The following MMP26 variants were observed in gnomAD, a reference collection of about 807,000 sequenced individuals.
MMP26 encodes the protein matrix metallopeptidase 26.
In MMP26, 33 loss-of-function variants were observed where a neutral mutation model predicts 31.0. The ratio of observed to expected loss-of-function variants is 1.06; its 90% confidence interval spans 0.81 to 1.42. MMP26 has a LOEUF of 1.42. Among genes scored for constraint, MMP26 ranks in the 40% most tolerant of loss-of-function variants. The pLI, the probability that MMP26 is intolerant of heterozygous loss-of-function variation, is 0.00. For synonymous variants in MMP26, 122 were observed against 114.9 expected (o/e 1.06, Z -0.40); for missense variants, 347 against 316.1 (o/e 1.10, Z -0.74).
intron 2 of MMP26, chr11:4,890,008 A>G (rs2133547580): frequency 6.1e-6 from 1 of 163,318 alleles, no homozygotes; most frequent in East Asian, 1.8e-4. Context: ...GACAATAGGA[A>G]TGAGAGAGTA....
chr11:4,809,923 A>C (rs1589907753), intron 2 of MMP26, among the ~76,000 whole-genome samples: 1 of 151,906 alleles, frequency 6.6e-6, no homozygotes, highest in East Asian at 1.9e-4. Flanking sequence ...CTCTGTCTTT[A>C]ACCAAGCATG....
At chr11:4,831,935 A>T (rs1053414578) in intron 2 of MMP26, among the ~76,000 whole-genome samples, 1 of 152,238 alleles carries the variant, frequency 6.6e-6, no homozygotes, top group Non-Finnish European at 1.5e-5. Context: ...CCTGTGATGA[A>T]CCTGTTTAAA....
chr11:4,883,005 C>T, intron 2 of MMP26: 1 of 705,484 alleles, frequency 1.4e-6, no homozygotes, highest in South Asian at 2.0e-5. Flanking sequence ...GGGAAGAAGA[C>T]AGTAATTTTC....
intron 2 of MMP26, among the ~76,000 whole-genome samples, chr11:4,936,845 T>C (rs1335373709): frequency 1.3e-5 from 2 of 152,188 alleles, no homozygotes; most frequent in Non-Finnish European, 2.9e-5. Context: ...CAGAATAATA[T>C]AGCTTTTGCA....
At chr11:4,891,970 T>G (rs377529455) in intron 2 of MMP26, among the ~76,000 whole-genome samples, 46 of 152,260 alleles carry the variant, frequency 3.0e-4, no homozygotes, top group Middle Eastern at 3.4e-3. Context: ...TATATGTATT[T>G]GAGAGTTTTC....
intron 1 of MMP26, among the ~76,000 whole-genome samples, chr11:4,747,652 G>A (rs1274060383): frequency 6.6e-6 from 1 of 152,004 alleles, no homozygotes; most frequent in African/African-American, 2.4e-5. Context: ...ACAGAAGGAG[G>A]AAAAAGGTAA....
At chr11:4,816,161 C>T (rs911035265) in intron 2 of MMP26, among the ~76,000 whole-genome samples, 8 of 151,948 alleles carry the variant, frequency 5.3e-5, no homozygotes, top group Admixed American at 1.3e-4. Flanking sequence ...GTTTAATTTC[C>T]ATGTGTTTGT....
At chr11:4,786,384 TG>T (rs1848944569) in intron 2 of MMP26, among the ~76,000 whole-genome samples, 1 of 151,286 alleles carries the variant, frequency 6.6e-6, no homozygotes, top group Admixed American at 6.6e-5. Flanking sequence ...CTGATGAAAA[TG>T]CAGTGAACTT....
chr11:4,905,423 T>G (rs911977035), intron 2 of MMP26, among the ~76,000 whole-genome samples: 1 of 152,140 alleles, frequency 6.6e-6, no homozygotes, highest in East Asian at 1.9e-4. Flanking sequence ...ATGTACTTTT[T>G]TCAATTATCC....
chr11:4,896,271 G>A (rs977078523), intron 2 of MMP26, among the ~76,000 whole-genome samples: 3 of 152,014 alleles, frequency 2.0e-5, no homozygotes, highest in African/African-American at 7.2e-5. Flanking sequence ...TTATTCTAGC[G>A]CTTTCTCTGC....
chr11:4,946,088 A>T (rs1846297253), intron 2 of MMP26: 12 of 1,358,868 alleles, frequency 8.8e-6, no homozygotes, highest in Non-Finnish European at 1.2e-5. Flanking sequence ...CTTGGTGTCA[A>T]ATATTAGGTT....
chr11:4,858,893 A>G (rs1206688426), intron 2 of MMP26, among the ~76,000 whole-genome samples: 3 of 152,200 alleles, frequency 2.0e-5, no homozygotes, highest in African/African-American at 7.2e-5. Flanking sequence ...AACGGAACAG[A>G]ACAGAGCCCT....
chr11:4,987,571 A>G (rs1453722958), intron 2 of MMP26, among the ~76,000 whole-genome samples: 7 of 151,728 alleles, frequency 4.6e-5, no homozygotes, highest in Admixed American at 1.3e-4. Context: ...GGCGCCCACC[A>G]CCACACCCGG....
intron 2 of MMP26, among the ~76,000 whole-genome samples, chr11:4,931,165 A>G (rs933393766): frequency 2.0e-5 from 3 of 152,078 alleles, no homozygotes; most frequent in Non-Finnish European, 4.4e-5. Context: ...ATCAACTAAT[A>G]TGATATTCTA....
intron 2 of MMP26, chr11:4,848,680 A>T: frequency 6.2e-7 from 1 of 1,614,078 alleles, no homozygotes; most frequent in Non-Finnish European, 8.5e-7. Context: ...TGTGGGAGGC[A>T]GTAGGGCATG....
chr11:4,760,576 A>G (rs146158226), intron 1 of MMP26, among the ~76,000 whole-genome samples: 148 of 152,326 alleles, frequency 9.7e-4, no homozygotes, highest in Non-Finnish European at 1.7e-3. Flanking sequence ...GTATCTCTAC[A>G]TGTGTAACTT....
intron 2 of MMP26, chr11:4,924,248 A>T: frequency 6.2e-7 from 1 of 1,614,186 alleles, no homozygotes; most frequent in Non-Finnish European, 8.5e-7. Context: ...GCAGAAGGGA[A>T]TAGAGATCCA....
intron 2 of MMP26, among the ~76,000 whole-genome samples, chr11:4,865,609 T>C (rs555802338): frequency 6.6e-6 from 1 of 152,222 alleles, no homozygotes; most frequent in South Asian, 2.1e-4. Flanking sequence ...CTCCTCCTTC[T>C]TCTTATTTTT....
chr11:4,914,778 C>T (rs200340167), intron 2 of MMP26: 2 of 1,614,014 alleles, frequency 1.2e-6, no homozygotes, highest in East Asian at 2.2e-5. Context: ...ACACTGTAGA[C>T]AATGGGATTC....
Sources: gnomAD v4.1 joint callset for allele counts (sites outside exome capture counted in the v4.1 genomes callset) on GRCh38, gnomAD v4.1.1 for gene constraint, MANE v1.5 for transcripts, NCBI Gene and HGNC (gene_info 2026-07-23, HGNC 2026-07-21) for gene names.